Variants in FBXL13 observed in about 807,000 individuals in gnomAD.
FBXL13 encodes the protein F-box and leucine-rich repeat protein 13.
Under a neutral mutation model 83.6 loss-of-function variants are expected in FBXL13, and 67 were observed. That is an observed-to-expected ratio of 0.80 (90% CI 0.66 to 0.98). The LOEUF is 0.98. Among genes scored for constraint, FBXL13 ranks in the 50% least tolerant of loss-of-function variants. The pLI, the probability that FBXL13 is intolerant of heterozygous loss-of-function variation, is 0.00. For missense variants in FBXL13, 822 were observed against 866.5 expected, an observed-to-expected ratio of 0.95 and a Z score of 0.64; for synonymous variants, 272 against 299.5, an observed-to-expected ratio of 0.91 and a Z score of 0.95.
intron 6 of FBXL13, among the ~76,000 whole-genome samples, chr7:103,019,325 T>G (rs1320548180): frequency 6.6e-6 from 1 of 152,108 alleles, no homozygotes; most frequent in Non-Finnish European, 1.5e-5. Flanking sequence ...TTTAAAGCAG[T>G]GAGTAGAGGG....
intron 8 of FBXL13, chr7:102,944,625 T>C: frequency 6.4e-7 from 1 of 1,561,884 alleles, no homozygotes; most frequent in South Asian, 1.2e-5. Flanking sequence ...ATTGTTCTGA[T>C]TGTAATTAGT....
intron 1 of FBXL13, among the ~76,000 whole-genome samples, chr7:103,061,188 G>GT (rs1797870534): frequency 2.7e-5 from 4 of 147,396 alleles, no homozygotes; most frequent in Non-Finnish European, 6.0e-5. Flanking sequence ...TTTTTTTTTT[G>GT]TTTTTTTCTT....
chr7:103,029,298 A>G (rs567456360), intron 3 of FBXL13, 53 bp downstream of exon 4: 1 of 1,125,280 alleles, frequency 8.9e-7, no homozygotes, highest in Non-Finnish European at 1.3e-6. Flanking sequence ...TGCACGGAGA[A>G]TATCAAGAAT....
At chr7:102,832,751 T>C in intron 18 of FBXL13, 89 bp downstream of exon 19, 1 of 1,413,468 alleles carries the variant, frequency 7.1e-7, no homozygotes, top group Non-Finnish European at 9.4e-7. Context: ...AAAGAGAACA[T>C]ATTCTGAGTC....
At chr7:102,862,155 C>T (rs1208643178) in intron 16 of FBXL13, among the ~76,000 whole-genome samples, 3 of 151,868 alleles carry the variant, frequency 2.0e-5, no homozygotes, top group African/African-American at 7.3e-5. Context: ...CCAGCCTGGT[C>T]AATGTGGTGA....
chr7:102,990,369 C>T (rs1829436033), intron 6 of FBXL13, among the ~76,000 whole-genome samples: 1 of 152,170 alleles, frequency 6.6e-6, no homozygotes, highest in African/African-American at 2.4e-5. Context: ...AAAAGCAAGA[C>T]AAGAAGGGAT....
At chr7:103,042,120 CAA>C (rs1165108332) in intron 2 of FBXL13, among the ~76,000 whole-genome samples, 3 of 152,180 alleles carry the variant, frequency 2.0e-5, no homozygotes, top group African/African-American at 7.2e-5. Context: ...GCAACTTCAG[CAA>C]AGTCTCAGGA....
chr7:102,853,188 G>A (rs1432337377), intron 17 of FBXL13, among the ~76,000 whole-genome samples: 5 of 152,108 alleles, frequency 3.3e-5, no homozygotes, highest in African/African-American at 4.8e-5. Flanking sequence ...GGTGGGAAGT[G>A]AGTGAGGAAT....
chr7:103,045,735 G>A (rs1020825060), intron 2 of FBXL13, among the ~76,000 whole-genome samples: 2 of 152,194 alleles, frequency 1.3e-5, no homozygotes, highest in Non-Finnish European at 2.9e-5. Context: ...AATGAGCTTA[G>A]TCCAAAACAG....
intron 8 of FBXL13, chr7:102,934,642 C>A: frequency 6.2e-7 from 1 of 1,606,110 alleles, no homozygotes; most frequent in Middle Eastern, 1.7e-4. Context: ...CTTTTTGCCA[C>A]AATTATGTGT....
Position 102,943,704 on chromosome 7 carries a change from A to G in FBXL13, c.725-11771T>C, listed in dbSNP as rs117747638. Among the ~76,000 whole-genome samples, 443 of 152,340 alleles carry G rather than the reference A, an allele frequency of 2.9e-3. 3 individuals carry two copies. Among genetic ancestry groups the G allele is most frequent in the South Asian group, 5.4e-3 (26 of 4,830 alleles). On this transcript the variant is annotated intron_variant, in intron 8 of 19. Transcript: ENST00000313221. ...GCCAAGCAGATACCACCCATTACAT[A>G]TACGTTTTCAGGACAAGCAATAACG...
At chr7:102,945,818 C>T (rs1320994237) in intron 8 of FBXL13, among the ~76,000 whole-genome samples, 1 of 152,124 alleles carries the variant, frequency 6.6e-6, no homozygotes, top group Non-Finnish European at 1.5e-5. Flanking sequence ...TAGCAAATAA[C>T]CACCTTATCT....
chr7:102,977,339 A>G (rs1331561806), intron 6 of FBXL13, among the ~76,000 whole-genome samples: 1 of 152,244 alleles, frequency 6.6e-6, no homozygotes, highest in Non-Finnish European at 1.5e-5. Context: ...GGCTAGCACT[A>G]GACTACTTAT....
At chr7:102,854,081 T>C (rs912704195) in intron 17 of FBXL13, among the ~76,000 whole-genome samples, 2 of 152,256 alleles carry the variant, frequency 1.3e-5, no homozygotes, top group Admixed American at 1.3e-4. Context: ...TGTATGTTTA[T>C]TGTGGCGCTA....
intron 12 of FBXL13, 127 bp downstream of exon 13, chr7:102,884,087 A>G (rs988053039): frequency 1.2e-5 from 8 of 692,616 alleles, no homozygotes; most frequent in African/African-American, 1.1e-4. Flanking sequence ...AAACTTTTCA[A>G]TGATTTTATT....
intron 14 of FBXL13, among the ~76,000 whole-genome samples, chr7:102,882,795 A>G (rs953567166): frequency 2.1e-5 from 3 of 143,738 alleles, no homozygotes; most frequent in African/African-American, 8.0e-5. Context: ...AACAAAACAA[A>G]AAAACAGAAT....
At chr7:102,995,478 CAA>C (rs1158263069) in intron 6 of FBXL13, among the ~76,000 whole-genome samples, 186 of 28,564 alleles carry the variant, frequency 6.5e-3, no homozygotes, top group African/African-American at 0.017. Flanking sequence ...GACTCCATCT[CAA>C]AAAAAAAAAA....
chr7:102,917,679 G>A (rs1254836627), intron 10 of FBXL13, among the ~76,000 whole-genome samples: 1 of 152,112 alleles, frequency 6.6e-6, no homozygotes, highest in Non-Finnish European at 1.5e-5. Context: ...CGAAGAGTAA[G>A]GGAAGAACCT....
intron 2 of FBXL13, among the ~76,000 whole-genome samples, chr7:103,034,687 G>A (rs936247146): frequency 1.1e-4 from 17 of 152,342 alleles, no homozygotes; most frequent in South Asian, 2.1e-4. Context: ...CTAAAGTGCC[G>A]CCAAAGTGGG....
Sources: allele counts gnomAD v4.1 joint callset (sites outside exome capture counted in the v4.1 genomes callset), GRCh38; gene constraint gnomAD v4.1.1; transcripts MANE v1.5; gene names NCBI Gene and HGNC (gene_info 2026-07-23, HGNC 2026-07-21).